The following AFF3 variants were observed in gnomAD, a reference collection of about 807,000 sequenced individuals.
The protein encoded by AFF3 is ALF transcription elongation factor 3, also known as AF4/FMR2 family member 3.
A neutral mutation model predicts 129.7 loss-of-function variants in AFF3; 32 were observed. That is an observed-to-expected ratio of 0.25 (90% CI 0.19 to 0.33). AFF3 has a LOEUF of 0.33. AFF3 is among the 10% of genes least tolerant of loss of function. The pLI is 1.00. For synonymous variants in AFF3, 644 were observed against 635.4 expected (o/e 1.01, Z -0.20); for missense variants, 1,373 against 1,592.0 (o/e 0.86, Z 2.34).
chr2:99,717,441 C>T (rs1370863824), intron 11 of AFF3, among the ~76,000 whole-genome samples: 1 of 152,158 alleles, frequency 6.6e-6, no homozygotes, highest in East Asian at 1.9e-4. Flanking sequence ...ACTGGTATCT[C>T]ATTGTGGCTT....
At chr2:99,812,887 A>G (rs1686903019) in intron 8 of AFF3, among the ~76,000 whole-genome samples, 1 of 152,166 alleles carries the variant, frequency 6.6e-6, no homozygotes, top group Admixed American at 6.5e-5. Flanking sequence ...AAATCGTGTT[A>G]TTATTAATGC....
intron 4 of AFF3, among the ~76,000 whole-genome samples, chr2:100,037,080 AACTGTT>A (rs374299542): frequency 1.1e-4 from 17 of 152,120 alleles, no homozygotes; most frequent in African/African-American, 4.1e-4. Flanking sequence ...TATTGTTAAA[AACTGTT>A]ACTAAGAAAA....
chr2:99,578,569 A>T (rs1156599858), intron 17 of AFF3, 118 bp from the exon 18 acceptor site: 15 of 1,426,964 alleles, frequency 1.1e-5, no homozygotes, highest in African/African-American at 1.5e-5. Flanking sequence ...TGTGTGCTGT[A>T]TTAGAATTGA....
chr2:99,803,063 T>C (rs1367767636), intron 8 of AFF3, among the ~76,000 whole-genome samples: 1 of 152,196 alleles, frequency 6.6e-6, no homozygotes, highest in Non-Finnish European at 1.5e-5. Context: ...CTTTCAACTT[T>C]TCCCCATTCA....
chr2:99,701,950 A>G (rs1334840643), intron 11 of AFF3, among the ~76,000 whole-genome samples: 1 of 152,210 alleles, frequency 6.6e-6, no homozygotes, highest in Non-Finnish European at 1.5e-5. Flanking sequence ...TTTTCCACTC[A>G]GCATAAATTC....
rs57685035 is a variant in AFF3, at chr2:99,705,502, GA to G, written c.1091+21574del. 9.6e-4 allele frequency among the ~76,000 whole-genome samples: 143 copies of G among 149,268 alleles called. 1 individual carries two copies. Among genetic ancestry groups the G allele is most frequent in the African/African-American group, 3.2e-3 (129 of 40,684 alleles). ...ATCAAGCTAGAAATAAGTTTAAGGT[GA>G]AAAAAAAATAGAAATTTAGGATGCT... On this transcript the variant is annotated intron_variant, in intron 11 of 24. Coordinates refer to ENST00000672756, the MANE Select transcript of AFF3 (RefSeq NM_001386135.1).
At chr2:99,701,145 T>C (rs1343595395) in intron 11 of AFF3, among the ~76,000 whole-genome samples, 1 of 151,978 alleles carries the variant, frequency 6.6e-6, no homozygotes, top group East Asian at 1.9e-4. Context: ...AGTGAGGATG[T>C]GTGGGTGTGG....
chr2:99,655,460 AG>A (rs1432912562), intron 12 of AFF3, among the ~76,000 whole-genome samples: 2 of 152,284 alleles, frequency 1.3e-5, no homozygotes, highest in South Asian at 2.1e-4. Flanking sequence ...TGCTCTAGGC[AG>A]GGAAGCTCTA....
intron 13 of AFF3, among the ~76,000 whole-genome samples, chr2:99,619,172 A>T (rs1452213492): frequency 6.6e-6 from 1 of 152,204 alleles, no homozygotes; most frequent in Non-Finnish European, 1.5e-5. Context: ...CCTCTTTCTA[A>T]CCCAGTCTCT....
At chr2:99,872,008 C>T (rs1036894208) in intron 7 of AFF3, among the ~76,000 whole-genome samples, 1 of 151,824 alleles carries the variant, frequency 6.6e-6, no homozygotes, top group African/African-American at 2.4e-5. Context: ...GAGATCAAGA[C>T]CATCCTGGTA....
intron 7 of AFF3, among the ~76,000 whole-genome samples, chr2:99,870,698 G>A (rs530331199): frequency 6.6e-6 from 1 of 152,280 alleles, no homozygotes; most frequent in South Asian, 2.1e-4. Context: ...AACCATCTTG[G>A]ACCCTTCTCT....
intron 8 of AFF3, among the ~76,000 whole-genome samples, chr2:99,807,956 T>A (rs1198733314): frequency 1.3e-5 from 2 of 152,174 alleles, no homozygotes; most frequent in Non-Finnish European, 2.9e-5. Context: ...AATTAATAAG[T>A]GCCTGTCAAT....
chr2:99,591,532 A>G (rs538403470), intron 15 of AFF3, among the ~76,000 whole-genome samples: 1 of 152,312 alleles, frequency 6.6e-6, no homozygotes, highest in East Asian at 1.9e-4. Context: ...CCCTTAGGTT[A>G]CAAAGATGAT....
intron 10 of AFF3, among the ~76,000 whole-genome samples, chr2:99,741,712 A>G (rs1405892090): frequency 1.3e-5 from 2 of 152,070 alleles, no homozygotes; most frequent in African/African-American, 4.8e-5. Context: ...AGAATTGGAA[A>G]AAACTACTTT....
chr2:100,028,864 TC>T (rs1380138969), intron 4 of AFF3, among the ~76,000 whole-genome samples: 1 of 152,102 alleles, frequency 6.6e-6, no homozygotes, highest in Non-Finnish European at 1.5e-5. Context: ...GGGAGGTTCC[TC>T]AAAAAATTAA....
chr2:99,749,761 A>G (rs142126356), intron 9 of AFF3, among the ~76,000 whole-genome samples: 159 of 152,312 alleles, frequency 1.0e-3, no homozygotes, highest in African/African-American at 3.7e-3. Context: ...TTAACTATTT[A>G]CTATATGATC....
intron 7 of AFF3, among the ~76,000 whole-genome samples, chr2:99,937,916 G>A (rs970968264): frequency 1.3e-5 from 2 of 152,176 alleles, no homozygotes; most frequent in Non-Finnish European, 2.9e-5. Context: ...TATTTCCAGA[G>A]TCACCTATTC....
At chr2:99,863,625 T>C (rs1057051287) in intron 7 of AFF3, among the ~76,000 whole-genome samples, 1 of 152,202 alleles carries the variant, frequency 6.6e-6, no homozygotes, top group Admixed American at 6.5e-5. Context: ...GACCCCAAGA[T>C]ACAATCAATA....
intron 22 of AFF3, among the ~76,000 whole-genome samples, chr2:99,558,456 A>T (rs1466023445): frequency 1.3e-5 from 2 of 152,024 alleles, no homozygotes; most frequent in African/African-American, 4.8e-5. Context: ...CCCCATCTCT[A>T]CTAAAAATAC....
Sources: gnomAD v4.1 joint callset for allele counts (sites outside exome capture counted in the v4.1 genomes callset) on GRCh38, gnomAD v4.1.1 for gene constraint, MANE v1.5 for transcripts, NCBI Gene and HGNC (gene_info 2026-07-23, HGNC 2026-07-21) for gene names.